Variants in PIBF1 observed in about 807,000 individuals in gnomAD.
PIBF1 encodes the protein progesterone immunomodulatory binding factor 1, also known as progesterone-induced-blocking factor 1.
A neutral mutation model predicts 112.5 loss-of-function variants in PIBF1; 90 were observed. The ratio of observed to expected loss-of-function variants is 0.80; its 90% CI spans 0.67 to 0.95. The LOEUF (loss-of-function observed/expected upper bound fraction) is 0.95. Ranked by LOEUF, PIBF1 falls within the 40% of genes least tolerant of loss-of-function variation. The pLI is 0.00. For synonymous variants in PIBF1, 301 were observed against 288.6 expected, an observed-to-expected ratio of 1.04 and a Z score of -0.44; for missense variants, 915 against 852.3, an observed-to-expected ratio of 1.07 and a Z score of -0.92.
intron 12 of PIBF1, among the ~76,000 whole-genome samples, chr13:72,911,488 A>G (rs1252712984): frequency 1.3e-5 from 2 of 152,210 alleles, no homozygotes; most frequent in Non-Finnish European, 2.9e-5. Context: ...CGATACCTAA[A>G]TGGAATAGCT....
At chr13:72,871,898 A>G (rs938866950) in intron 10 of PIBF1, among the ~76,000 whole-genome samples, 1 of 152,166 alleles carries the variant, frequency 6.6e-6, no homozygotes, top group Non-Finnish European at 1.5e-5. Flanking sequence ...TTAATAAAGC[A>G]TTTAGACATT....
At chr13:72,966,682 G>T (rs2042749183) in intron 15 of PIBF1, among the ~76,000 whole-genome samples, 2 of 152,086 alleles carry the variant, frequency 1.3e-5, no homozygotes, top group Admixed American at 1.3e-4. Context: ...GCTGAGGCAG[G>T]CAGATCACCT....
intron 5 of PIBF1, among the ~76,000 whole-genome samples, chr13:72,821,068 A>C (rs1357500816): frequency 6.6e-6 from 1 of 152,202 alleles, no homozygotes; most frequent in Non-Finnish European, 1.5e-5. Flanking sequence ...GAAGGAGACA[A>C]GCATTTAGAT....
intron 5 of PIBF1, among the ~76,000 whole-genome samples, chr13:72,819,373 A>G (rs780055122): frequency 2.6e-5 from 4 of 152,002 alleles, no homozygotes; most frequent in Non-Finnish European, 4.4e-5. Flanking sequence ...CATTCCCCTG[A>G]GTATGCCCCC....
chr13:72,923,558 T>C (rs535969907), intron 13 of PIBF1, among the ~76,000 whole-genome samples: 1 of 152,228 alleles, frequency 6.6e-6, no homozygotes. Flanking sequence ...AGTGTCCCAA[T>C]AGATAGCTTA....
chr13:72,959,819 G>A (rs1206081449), intron 14 of PIBF1, among the ~76,000 whole-genome samples: 2 of 152,166 alleles, frequency 1.3e-5, no homozygotes, highest in Non-Finnish European at 2.9e-5. Flanking sequence ...GTAAAATGTT[G>A]TGTCATGGGT....
At chr13:72,907,614 A>G (rs981373469) in intron 11 of PIBF1, among the ~76,000 whole-genome samples, 1 of 152,112 alleles carries the variant, frequency 6.6e-6, no homozygotes, top group Admixed American at 6.5e-5. Flanking sequence ...ATTGCCTAAG[A>G]TCACAGCTAG....
intron 9 of PIBF1, among the ~76,000 whole-genome samples, chr13:72,845,420 C>T (rs2037825331): frequency 6.6e-6 from 1 of 152,144 alleles, no homozygotes. Context: ...CATGCCTTTG[C>T]TACTATAAAT....
intron 13 of PIBF1, among the ~76,000 whole-genome samples, chr13:72,921,060 T>C (rs959800099): frequency 3.9e-5 from 6 of 152,154 alleles, no homozygotes; most frequent in Non-Finnish European, 8.8e-5. Context: ...GGAAGGAGAT[T>C]TCTGATTTGT....
chr13:72,844,900 G>A (rs1278890397), intron 9 of PIBF1, among the ~76,000 whole-genome samples: 2 of 150,120 alleles, frequency 1.3e-5, no homozygotes, highest in Non-Finnish European at 3.0e-5. Context: ...AGGATTACAG[G>A]TGTGAGCCAC....
intron 2 of PIBF1, 142 bp downstream of exon 2, chr13:72,783,863 G>A: frequency 1.1e-6 from 1 of 890,764 alleles, no homozygotes; most frequent in Non-Finnish European, 1.7e-6. Flanking sequence ...AATAATTTTG[G>A]TGTTCATAGA....
At chr13:72,953,023 GAGCTCCC>G (rs1273905862) in intron 14 of PIBF1, among the ~76,000 whole-genome samples, 11 of 152,248 alleles carry the variant, frequency 7.2e-5, no homozygotes, top group African/African-American at 2.6e-4. Flanking sequence ...ATAGTGAGCA[GAGCTCCC>G]AGCCTTGACA....
intron 14 of PIBF1, among the ~76,000 whole-genome samples, chr13:72,938,531 G>T (rs1472518233): frequency 2.0e-5 from 3 of 152,094 alleles, no homozygotes; most frequent in Non-Finnish European, 4.4e-5. Flanking sequence ...ATCTATCAGT[G>T]CTCAGTTCCT....
At chr13:73,006,849 G>C (rs796342055) in intron 17 of PIBF1, among the ~76,000 whole-genome samples, 22 of 152,128 alleles carry the variant, frequency 1.4e-4, no homozygotes, top group African/African-American at 5.3e-4. Flanking sequence ...AAATCACCTT[G>C]TAACATAGTA....
chr13:72,852,050 C>T (rs77552416), intron 9 of PIBF1, among the ~76,000 whole-genome samples: 5 of 152,270 alleles, frequency 3.3e-5, no homozygotes, highest in East Asian at 3.9e-4. Context: ...ATTCATGCTC[C>T]GGTTGTCTGT....
At chr13:72,935,780 C>T (rs988869818) in intron 14 of PIBF1, among the ~76,000 whole-genome samples, 11 of 152,012 alleles carry the variant, frequency 7.2e-5, no homozygotes, top group Non-Finnish European at 1.0e-4. Context: ...TCTCTAATGA[C>T]GAATGATTTT....
intron 15 of PIBF1, among the ~76,000 whole-genome samples, chr13:72,968,912 G>GCTT (rs1489550186): frequency 6.6e-6 from 1 of 151,830 alleles, no homozygotes; most frequent in African/African-American, 2.4e-5. Context: ...GTGATGGCAC[G>GCTT]CTTCTGTAGT....
rs762790199 is a variant in PIBF1, at chr13:72,798,025, A to T, written c.671A>T (p.Glu224Val). 5.6e-6 allele frequency: 9 copies of T among 1,593,200 alleles called. No homozygotes were observed. Among genetic ancestry groups the T allele is most frequent in the Non-Finnish European group, 4.3e-6 (5 of 1,173,260 alleles). Residue 224 changes from glutamate to valine, a missense_variant and splice_region_variant, in exon 5 of 18, where the codon GAG (glutamate) becomes GTG (valine). Physicochemically the swap from Glu to Val is moderately radical, Grantham distance 121 (BLOSUM62 -2). Coordinates refer to ENST00000326291, the MANE Select transcript of PIBF1 (RefSeq NM_006346.4). ...TNKNQLKQLT[E>V]TYEEDRKNYS... ...AAAAACCAACTGAAGCAGCTGACAGAGGTTTGTATGGTTTTGATTGCTGGT... is the reference window on the plus strand; with the variant it reads ...AAAAACCAACTGAAGCAGCTGACAGTGGTTTGTATGGTTTTGATTGCTGGT...
chr13:72,875,625 G>A (rs2039363704), intron 10 of PIBF1, among the ~76,000 whole-genome samples: 1 of 152,064 alleles, frequency 6.6e-6, no homozygotes. Context: ...TCTGGATTTG[G>A]GCCTTTCTAA....
Sources: allele counts gnomAD v4.1 joint callset (sites outside exome capture counted in the v4.1 genomes callset), GRCh38; gene constraint gnomAD v4.1.1; transcripts MANE v1.5; gene names NCBI Gene and HGNC (gene_info 2026-07-23, HGNC 2026-07-21).